Variants in PLPPR1 observed in about 807,000 individuals in gnomAD.
The protein encoded by PLPPR1 is phospholipid phosphatase related 1, also known as phospholipid phosphatase-related protein type 1.
A neutral mutation model predicts 33.1 loss-of-function variants in PLPPR1; 10 were observed. The ratio of observed to expected loss-of-function variants is 0.30; its 90% CI spans 0.19 to 0.51. The LOEUF (loss-of-function observed/expected upper bound fraction) is 0.51, where lower values mean the gene tolerates loss of function less well. PLPPR1 is among the 20% of genes least tolerant of loss of function. The pLI is 0.97. For synonymous variants in PLPPR1, 151 were observed against 151.0 expected (o/e 1.00, Z 0.00); for missense variants, 304 against 408.1 (o/e 0.74, Z 2.20).
intron 2 of PLPPR1, among the ~76,000 whole-genome samples, chr9:101,255,873 G>C: frequency 6.6e-6 from 1 of 152,178 alleles, no homozygotes; most frequent in Non-Finnish European, 1.5e-5. Context: ...AATGATTAAA[G>C]GGTCTGAACT....
chr9:101,155,570 C>T (rs942270068), intron 1 of PLPPR1, among the ~76,000 whole-genome samples: 3 of 151,676 alleles, frequency 2.0e-5, no homozygotes, highest in Non-Finnish European at 2.9e-5. Flanking sequence ...AACATTGTTG[C>T]ATTGGGGACT....
At chr9:101,153,444 T>G (rs1391412633) in intron 1 of PLPPR1, among the ~76,000 whole-genome samples, 1 of 152,194 alleles carries the variant, frequency 6.6e-6, no homozygotes, top group Admixed American at 6.5e-5. Context: ...ATAGGAGTGG[T>G]GAGAGAGGGC....
intron 1 of PLPPR1, among the ~76,000 whole-genome samples, chr9:101,052,743 GC>G (rs1459342278): frequency 6.6e-6 from 1 of 152,162 alleles, no homozygotes; most frequent in Non-Finnish European, 1.5e-5. Context: ...AAGTTCTATG[GC>G]CAAGCCCAGT....
At chr9:101,089,375 TTTAA>T (rs1438231126) in intron 1 of PLPPR1, among the ~76,000 whole-genome samples, 1 of 152,132 alleles carries the variant, frequency 6.6e-6, no homozygotes, top group African/African-American at 2.4e-5. Context: ...TTGTAACTAG[TTTAA>T]TTAAATATAT....
chr9:101,183,321 G>A (rs1294916012), intron 1 of PLPPR1, among the ~76,000 whole-genome samples: 2 of 151,752 alleles, frequency 1.3e-5, no homozygotes, highest in Non-Finnish European at 3.0e-5. Context: ...ATATTATTCG[G>A]CAGTTAAAAG....
At chr9:101,158,357 A>G (rs1162052892) in intron 1 of PLPPR1, among the ~76,000 whole-genome samples, 2 of 152,182 alleles carry the variant, frequency 1.3e-5, no homozygotes, top group Admixed American at 6.5e-5. Context: ...GAAGAGGTCA[A>G]TGGAGGAGAG....
intron 1 of PLPPR1, among the ~76,000 whole-genome samples, chr9:101,087,698 T>C (rs1399372998): frequency 6.6e-6 from 1 of 152,212 alleles, no homozygotes; most frequent in Non-Finnish European, 1.5e-5. Context: ...ATACATTTTA[T>C]GTAAATAAGT....
intron 2 of PLPPR1, among the ~76,000 whole-genome samples, chr9:101,226,894 G>A (rs528572387): frequency 5.3e-5 from 8 of 152,066 alleles, no homozygotes; most frequent in African/African-American, 1.4e-4. Context: ...AAAATGATTA[G>A]GTCTTTCTAT....
chr9:101,095,161 C>A (rs570547150), intron 1 of PLPPR1, among the ~76,000 whole-genome samples: 1 of 152,330 alleles, frequency 6.6e-6, no homozygotes, highest in South Asian at 2.1e-4. Flanking sequence ...AATAGTCTCA[C>A]TTCTTCTATC....
intron 2 of PLPPR1, among the ~76,000 whole-genome samples, chr9:101,195,576 C>T (rs61654883): frequency 0.13 from 19,607 of 151,968 alleles, 1,517 homozygotes; most frequent in East Asian, 0.3. Flanking sequence ...TCTAGTACTA[C>T]GTGAGTGACT....
intron 1 of PLPPR1, among the ~76,000 whole-genome samples, chr9:101,042,080 G>A (rs1231520695): frequency 6.6e-6 from 1 of 152,126 alleles, no homozygotes; most frequent in East Asian, 1.9e-4. Flanking sequence ...AGAGAGAAGA[G>A]AAATTTAATC....
chr9:101,226,463 G>C (rs1236716942), intron 2 of PLPPR1, among the ~76,000 whole-genome samples: 2 of 152,122 alleles, frequency 1.3e-5, no homozygotes, highest in Admixed American at 1.3e-4. Flanking sequence ...ATAAACAAAA[G>C]AAGTGTGTTT....
At chr9:101,250,678 T>C (rs1333708678) in intron 2 of PLPPR1, among the ~76,000 whole-genome samples, 1 of 152,068 alleles carries the variant, frequency 6.6e-6, no homozygotes, top group East Asian at 1.9e-4. Flanking sequence ...CCCTGCCTCC[T>C]TGCTGCAGTT....
At chr9:101,134,165 G>T (rs1356353581) in intron 1 of PLPPR1, among the ~76,000 whole-genome samples, 1 of 152,122 alleles carries the variant, frequency 6.6e-6, no homozygotes, top group Admixed American at 6.5e-5. Context: ...GATGAAGTTG[G>T]CATCTGCTAA....
At chr9:101,226,797 T>C (rs1827079606) in intron 2 of PLPPR1, among the ~76,000 whole-genome samples, 1 of 151,986 alleles carries the variant, frequency 6.6e-6, no homozygotes, top group South Asian at 2.1e-4. Flanking sequence ...CTGGTATACC[T>C]GAAGGGGCAG....
intron 2 of PLPPR1, among the ~76,000 whole-genome samples, chr9:101,244,236 T>C (rs10989453): frequency 0.053 from 8,074 of 151,826 alleles, 300 homozygotes; most frequent in South Asian, 0.17. Flanking sequence ...AGCTTTGCAG[T>C]GTAGGAATGT....
chr9:101,162,692 G>A (rs1825782499), intron 1 of PLPPR1, among the ~76,000 whole-genome samples: 1 of 152,076 alleles, frequency 6.6e-6, no homozygotes, highest in Non-Finnish European at 1.5e-5. Context: ...TGTTTTCTGG[G>A]TCTTGTAAAA....
intron 1 of PLPPR1, among the ~76,000 whole-genome samples, chr9:101,148,053 C>T (rs532615769): frequency 6.6e-6 from 1 of 152,236 alleles, no homozygotes; most frequent in South Asian, 2.1e-4. Context: ...TGTCATCAAC[C>T]TGCCTCTCTG....
In PLPPR1 at chr9:101,292,900, C is replaced by T. The variant is rs560509403; in HGVS notation, c.385+6664C>T. ...GCTAGGAAGAAACTGCATCAACTAA[C>T]GAGCAAAATAACCAGCTAACATCAT... is the stretch of plus-strand genomic sequence containing the variant. On this transcript the variant is annotated intron_variant, in intron 4 of 7. Transcript: ENST00000374874. 1.8e-3 allele frequency among the ~76,000 whole-genome samples: 271 copies of T among 151,864 alleles called. 1 individual carries two copies. Among genetic ancestry groups the T allele is most frequent in the African/African-American group, 5.8e-3 (240 of 41,316 alleles).
Sources: gnomAD v4.1 joint callset for allele counts (sites outside exome capture counted in the v4.1 genomes callset) on GRCh38, gnomAD v4.1.1 for gene constraint, MANE v1.5 for transcripts, NCBI Gene and HGNC (gene_info 2026-07-23, HGNC 2026-07-21) for gene names.